The following STRN variants were observed in gnomAD, a reference collection of about 807,000 sequenced individuals.
The protein encoded by STRN is striatin, also known as protein phosphatase 2 regulatory subunit B'''alpha.
STRN carries 53 observed loss-of-function variants against 96.3 expected under a neutral mutation model. The observed-to-expected ratio is 0.55, with a 90% confidence interval of 0.44 to 0.69. STRN has a LOEUF of 0.69. Ranked by LOEUF, STRN falls within the 30% of genes least tolerant of loss-of-function variation. The pLI is 0.00. For missense variants in STRN, 987 were observed against 963.9 expected (o/e 1.02, Z -0.32); for synonymous variants, 428 against 355.9 (o/e 1.20, Z -2.28).
At chr2:36,890,654 T>G (rs534909966) in intron 7 of STRN, among the ~76,000 whole-genome samples, 4 of 152,056 alleles carry the variant, frequency 2.6e-5, no homozygotes, top group Non-Finnish European at 5.9e-5. Flanking sequence ...CAGCTAATTT[T>G]CATATTTTTA....
chr2:36,866,606 G>C (rs1668635085), intron 12 of STRN, among the ~76,000 whole-genome samples: 2 of 152,148 alleles, frequency 1.3e-5, no homozygotes. Context: ...TTTCTGCCTT[G>C]ATGATCTAAT....
At chr2:36,904,171 A>G (rs769648447) in intron 4 of STRN, among the ~76,000 whole-genome samples, 5 of 152,260 alleles carry the variant, frequency 3.3e-5, no homozygotes, top group Non-Finnish European at 5.9e-5. Flanking sequence ...CATATTTAAG[A>G]TCAAAGTGTG....
chr2:36,855,568 C>T (rs1319036168), intron 14 of STRN, among the ~76,000 whole-genome samples: 1 of 152,172 alleles, frequency 6.6e-6, no homozygotes, highest in East Asian at 1.9e-4. Context: ...AGCAGATCTT[C>T]TACCTGTTAC....
chr2:36,939,036 A>C (rs1670775724), intron 1 of STRN, among the ~76,000 whole-genome samples: 1 of 151,376 alleles, frequency 6.6e-6, no homozygotes, highest in Admixed American at 6.6e-5. Context: ...GCCAGGCTGG[A>C]GTGCAGTGGT....
intron 1 of STRN, among the ~76,000 whole-genome samples, chr2:36,962,774 T>G (rs375644219): frequency 1.6e-4 from 25 of 152,132 alleles, no homozygotes; most frequent in African/African-American, 5.3e-4. Flanking sequence ...CCCAAAGTGC[T>G]GGGGATTACA....
At chr2:36,924,047 G>A (rs950496363) in intron 2 of STRN, among the ~76,000 whole-genome samples, 23 of 152,044 alleles carry the variant, frequency 1.5e-4, no homozygotes, top group African/African-American at 4.8e-4. Flanking sequence ...GACAGCAGAG[G>A]AACAAAATAC....
At chr2:36,857,557 G>A (rs1473886842) in intron 14 of STRN, among the ~76,000 whole-genome samples, 1 of 151,918 alleles carries the variant, frequency 6.6e-6, no homozygotes, top group African/African-American at 2.4e-5. Flanking sequence ...GTGTGCTGGA[G>A]GCTGAGGCAG....
rs1012384977 is a variant in STRN, at chr2:36,843,215, C to T, written c.*6241G>A. On this transcript the variant is annotated 3_prime_UTR_variant, in exon 18 of 18. Coordinates refer to ENST00000263918, the MANE Select transcript of STRN (RefSeq NM_003162.4). ...TAATACTCATTAGTATACCAGCATA[C>T]AGAACACCAAACAATGGTGGATAGT... Among the ~76,000 whole-genome samples, 2 of 152,088 alleles carry T rather than the reference C, an allele frequency of 1.3e-5. No individual in the cohort carries two copies. The highest frequency in any genetic ancestry group is 2.9e-5 in the Non-Finnish European group (2 of 68,016).
At chr2:36,894,172 T>G in intron 6 of STRN, 139 bp from the exon 7 acceptor site, 1 of 968,670 alleles carries the variant, frequency 1.0e-6, no homozygotes. Flanking sequence ...GAAAATCACA[T>G]AGTTTTAAAA....
At chr2:36,945,159 A>G (rs552629738) in intron 1 of STRN, among the ~76,000 whole-genome samples, 22 of 152,346 alleles carry the variant, frequency 1.4e-4, no homozygotes, top group Non-Finnish European at 2.9e-4. Flanking sequence ...GGATTTTTAT[A>G]AATAAAAAAC....
chr2:36,890,997 G>A (rs111957270), intron 7 of STRN, among the ~76,000 whole-genome samples: 22 of 152,124 alleles, frequency 1.4e-4, no homozygotes, highest in Non-Finnish European at 2.8e-4. Context: ...GAAGTATTTC[G>A]GATTTCAAAT....
rs1215171562 is a variant in STRN, at chr2:36,946,002, AT to A, written c.234+20227del. 2.0e-5 allele frequency among the ~76,000 whole-genome samples: 3 copies of A among 152,304 alleles called. No individual in the cohort carries two copies. In the East Asian group the frequency reaches 5.8e-4, roughly 29 times the overall value. On this transcript the variant is annotated intron_variant, in intron 1 of 17. Coordinates refer to ENST00000263918, the MANE Select transcript of STRN (RefSeq NM_003162.4). ...AAAACCCTGTAGCATGACCATCATG[AT>A]ACAAAGCTCTAGAGTTAATAGCCAA...
In STRN at chr2:36,917,532, A is replaced by T. The variant is rs544470715; in HGVS notation, c.339-1381T>A. 5.5e-3 allele frequency among the ~76,000 whole-genome samples: 813 copies of T among 146,532 alleles called. 2 individuals carry two copies. The highest frequency in any genetic ancestry group is 0.02 in the African/African-American group (755 of 37,800). On this transcript the variant is annotated intron_variant, in intron 2 of 17. Transcript: ENST00000263918. The stretch of plus-strand genomic sequence containing the variant: ...CAGTGAGACCCTGTCTCAAAAACAA[A>T]AAAAAGAAAAAAAAAAAAAAAGAAA...
intron 14 of STRN, among the ~76,000 whole-genome samples, chr2:36,856,761 G>C (rs1032652572): frequency 6.6e-6 from 1 of 152,172 alleles, no homozygotes; most frequent in African/African-American, 2.4e-5. Flanking sequence ...CCCAATATTG[G>C]AGATACGGCC....
chr2:36,962,911 G>T (rs144143634), intron 1 of STRN, among the ~76,000 whole-genome samples: 183 of 152,252 alleles, frequency 1.2e-3, no homozygotes, highest in African/African-American at 4.4e-3. Context: ...ATGTTTCTTT[G>T]AGGTCATCTA....
chr2:36,889,618 T>TTA (rs1558639248), intron 7 of STRN, among the ~76,000 whole-genome samples: 1 of 91,236 alleles, frequency 1.1e-5, no homozygotes, highest in Non-Finnish European at 2.0e-5. Context: ...TTCTTTTTTT[T>TTA]GGGGGGGGTG....
chr2:36,890,203 A>C (rs374852970), intron 7 of STRN, among the ~76,000 whole-genome samples: 1 of 152,296 alleles, frequency 6.6e-6, no homozygotes, highest in East Asian at 1.9e-4. Context: ...GACAGAATAA[A>C]GGCCTGTTTC....
At chr2:36,903,744 T>G (rs1163505974) in intron 4 of STRN, among the ~76,000 whole-genome samples, 1 of 152,216 alleles carries the variant, frequency 6.6e-6, no homozygotes, top group Non-Finnish European at 1.5e-5. Context: ...AAGTGTATCT[T>G]ACCAAATCAA....
chr2:36,875,977 C>G (rs763108880), intron 10 of STRN, among the ~76,000 whole-genome samples: 2 of 151,812 alleles, frequency 1.3e-5, no homozygotes, highest in Non-Finnish European at 2.9e-5. Flanking sequence ...TTTTTTAAAT[C>G]TTTATCAGGT....
Sources: gnomAD v4.1 joint callset for allele counts (sites outside exome capture counted in the v4.1 genomes callset) on GRCh38, gnomAD v4.1.1 for gene constraint, MANE v1.5 for transcripts, NCBI Gene and HGNC (gene_info 2026-07-23, HGNC 2026-07-21) for gene names.